The following GRIA1 variants were observed in gnomAD, a reference collection of about 807,000 sequenced individuals.
The protein encoded by GRIA1 is glutamate ionotropic receptor AMPA type subunit 1.
In GRIA1, 31 loss-of-function variants were observed where a neutral mutation model predicts 99.2. The ratio of observed to expected loss-of-function variants is 0.31; its 90% CI spans 0.23 to 0.42. The LOEUF (loss-of-function observed/expected upper bound fraction) is 0.42, where lower values mean the gene tolerates loss of function less well. GRIA1 is among the 10% of genes least tolerant of loss of function. The pLI is 1.00. For missense variants in GRIA1, 782 were observed against 1,157.5 expected, an observed-to-expected ratio of 0.68 and a Z score of 4.71; for synonymous variants, 438 against 432.4, an observed-to-expected ratio of 1.01 and a Z score of -0.16.
At chr5:153,792,022 C>CATA (rs2149656194) in intron 13 of GRIA1, among the ~76,000 whole-genome samples, 1 of 152,170 alleles carries the variant, frequency 6.6e-6, no homozygotes, top group Non-Finnish European at 1.5e-5. Flanking sequence ...TCACAGAGAA[C>CATA]ATAGCTCCAG....
At chr5:153,791,005 A>G (rs1765259914) in intron 13 of GRIA1, among the ~76,000 whole-genome samples, 1 of 152,166 alleles carries the variant, frequency 6.6e-6, no homozygotes, top group Non-Finnish European at 1.5e-5. Context: ...TAACTCTATC[A>G]TGATCAATAA....
chr5:153,708,250 T>G (rs1759057539), intron 11 of GRIA1, among the ~76,000 whole-genome samples: 1 of 152,148 alleles, frequency 6.6e-6, no homozygotes, highest in South Asian at 2.1e-4. Context: ...GCTTCCCTCT[T>G]GAACAGGTCC....
At chr5:153,541,656 A>G (rs6881762) in intron 2 of GRIA1, among the ~76,000 whole-genome samples, 70,370 of 151,718 alleles carry the variant, frequency 0.46, 17,996 homozygotes, top group Non-Finnish European at 0.59. Context: ...AAAAGGCCGG[A>G]CACTGTGGCT....
intron 2 of GRIA1, among the ~76,000 whole-genome samples, chr5:153,589,408 T>A (rs1763770998): frequency 6.6e-6 from 1 of 152,148 alleles, no homozygotes; most frequent in African/African-American, 2.4e-5. Context: ...AGTACATTTT[T>A]GCCAAATTTC....
intron 11 of GRIA1, among the ~76,000 whole-genome samples, chr5:153,717,240 C>T (rs1338862780): frequency 6.6e-6 from 1 of 152,164 alleles, no homozygotes; most frequent in African/African-American, 2.4e-5. Flanking sequence ...TAGAGTTCTT[C>T]TACGAAAGGA....
intron 5 of GRIA1, among the ~76,000 whole-genome samples, chr5:153,667,821 A>AG (rs1755856342): frequency 6.6e-6 from 1 of 152,232 alleles, no homozygotes; most frequent in African/African-American, 2.4e-5. Flanking sequence ...GCAAGATGAA[A>AG]GCATGTCCAA....
At chr5:153,809,101 A>T (rs1766635924) in intron 15 of GRIA1, among the ~76,000 whole-genome samples, 1 of 152,274 alleles carries the variant, frequency 6.6e-6, no homozygotes, top group African/African-American at 2.4e-5. Flanking sequence ...GGGATGTGGC[A>T]GAGAAAAATC....
chr5:153,796,284 A>T (rs914161503), intron 14 of GRIA1, among the ~76,000 whole-genome samples: 27 of 152,150 alleles, frequency 1.8e-4, no homozygotes, highest in Non-Finnish European at 3.5e-4. Flanking sequence ...AACTTCAAGC[A>T]TTCACATACC....
intron 10 of GRIA1, among the ~76,000 whole-genome samples, chr5:153,705,252 C>T (rs1758805291): frequency 6.6e-6 from 1 of 152,192 alleles, no homozygotes; most frequent in Admixed American, 6.5e-5. Flanking sequence ...ATGGATGATT[C>T]TGGCCAGGGT....
intron 11 of GRIA1, among the ~76,000 whole-genome samples, chr5:153,724,539 G>C (rs1353954733): frequency 6.6e-6 from 1 of 152,218 alleles, no homozygotes; most frequent in Non-Finnish European, 1.5e-5. Context: ...AACCAATACA[G>C]AGAAGTGCTC....
intron 2 of GRIA1, among the ~76,000 whole-genome samples, chr5:153,508,781 C>T (rs1581148724): frequency 6.6e-6 from 1 of 152,058 alleles, no homozygotes; most frequent in Non-Finnish European, 1.5e-5. Flanking sequence ...ATAACAAAAG[C>T]TTTTTTAAAA....
chr5:153,685,644 A>G (rs944181099), intron 7 of GRIA1, among the ~76,000 whole-genome samples: 1 of 152,258 alleles, frequency 6.6e-6, no homozygotes, highest in African/African-American at 2.4e-5. Flanking sequence ...GCCTGAGGGC[A>G]CTTGGCTATT....
chr5:153,499,763 T>C (rs185611131), intron 2 of GRIA1, among the ~76,000 whole-genome samples: 3 of 152,170 alleles, frequency 2.0e-5, no homozygotes. Context: ...GCTATGACTG[T>C]GGATGATGAA....
intron 2 of GRIA1, among the ~76,000 whole-genome samples, chr5:153,604,521 T>TAAC (rs1458913265): frequency 9.9e-5 from 15 of 152,180 alleles, no homozygotes; most frequent in Admixed American, 9.2e-4. Flanking sequence ...ATCACAAAGG[T>TAAC]AACACTCAGC....
At chr5:153,799,776 CT>C (rs1462585864) in intron 14 of GRIA1, among the ~76,000 whole-genome samples, 1 of 152,202 alleles carries the variant, frequency 6.6e-6, no homozygotes, top group African/African-American at 2.4e-5. Flanking sequence ...ACATTGCCAT[CT>C]CCCTGGGCCG....
At chr5:153,794,401 G>A (rs1056115095) in intron 13 of GRIA1, among the ~76,000 whole-genome samples, 5 of 152,184 alleles carry the variant, frequency 3.3e-5, no homozygotes, top group African/African-American at 1.2e-4. Context: ...GAAAACTTAG[G>A]TTACAATGAC....
chr5:153,517,404 T>C (rs1395498687), intron 2 of GRIA1, among the ~76,000 whole-genome samples: 2 of 152,098 alleles, frequency 1.3e-5, no homozygotes, highest in African/African-American at 2.4e-5. Context: ...CCAGGGGTAG[T>C]AACCACTAGT....
At chr5:153,748,166 T>C (rs866405213) in intron 11 of GRIA1, among the ~76,000 whole-genome samples, 1 of 152,294 alleles carries the variant, frequency 6.6e-6, no homozygotes, top group Middle Eastern at 3.4e-3. Flanking sequence ...ACATATACTT[T>C]GATAAGTGCT....
At chr5:153,575,700 TG>T (rs1017728046) in intron 2 of GRIA1, among the ~76,000 whole-genome samples, 15 of 152,218 alleles carry the variant, frequency 9.9e-5, no homozygotes. Flanking sequence ...CCAAGTCTCC[TG>T]TGGCCTTTCC....
Sources: gnomAD v4.1 joint callset for allele counts (sites outside exome capture counted in the v4.1 genomes callset) on GRCh38, gnomAD v4.1.1 for gene constraint, MANE v1.5 for transcripts, NCBI Gene and HGNC (gene_info 2026-07-23, HGNC 2026-07-21) for gene names.